PLXNC1: variants seen among roughly 807,000 people sequenced by gnomAD.
PLXNC1 encodes the protein plexin-C1.
A neutral mutation model predicts 178.2 loss-of-function variants in PLXNC1; 75 were observed. That is an observed-to-expected ratio of 0.42 (90% CI 0.35 to 0.51). PLXNC1 has a LOEUF of 0.51. Among genes scored for constraint, PLXNC1 ranks in the 20% least tolerant of loss-of-function variants. The pLI is 0.02. For missense variants in PLXNC1, 1,503 were observed against 1,984.4 expected, an observed-to-expected ratio of 0.76 and a Z score of 4.61; for synonymous variants, 790 against 779.9, an observed-to-expected ratio of 1.01 and a Z score of -0.22.
intron 21 of PLXNC1, chr12:94,272,131 T>A (rs1164280137): frequency 6.6e-6 from 1 of 152,170 alleles, no homozygotes; most frequent in African/African-American, 2.4e-5. Flanking sequence ...AATAGTCTTT[T>A]CTTTCTCATA....
At chr12:94,173,079 C>T (rs956439331) in intron 2 of PLXNC1, among the ~76,000 whole-genome samples, 5 of 152,124 alleles carry the variant, frequency 3.3e-5, no homozygotes, top group Admixed American at 2.0e-4. Flanking sequence ...CATCCTGCTT[C>T]TTTTCGGAAC....
chr12:94,195,901 C>T (rs1161627114), intron 4 of PLXNC1, among the ~76,000 whole-genome samples: 1 of 152,180 alleles, frequency 6.6e-6, no homozygotes, highest in Non-Finnish European at 1.5e-5. Flanking sequence ...TCCCCAACAC[C>T]CCAGAGTAAC....
chr12:94,279,799 G>A, intron 22 of PLXNC1, 150 bp downstream of exon 22: 1 of 748,860 alleles, frequency 1.3e-6, no homozygotes, highest in Non-Finnish European at 2.4e-6. Flanking sequence ...ATGTCTAGGG[G>A]CCAAGAGACT....
chr12:94,285,690 C>T (rs753558386), intron 23 of PLXNC1, among the ~76,000 whole-genome samples: 1 of 152,112 alleles, frequency 6.6e-6, no homozygotes, highest in African/African-American at 2.4e-5. Flanking sequence ...AGGAGGAGAT[C>T]GGAGTCAGAG....
At chr12:94,246,093 GA>G (rs1344325705) in intron 12 of PLXNC1, among the ~76,000 whole-genome samples, 2 of 152,238 alleles carry the variant, frequency 1.3e-5, no homozygotes, top group Non-Finnish European at 2.9e-5. Context: ...GAAACCACGA[GA>G]AAAGAAGAGA....
At chr12:94,192,020 C>T (rs1406216516) in intron 4 of PLXNC1, among the ~76,000 whole-genome samples, 1 of 152,080 alleles carries the variant, frequency 6.6e-6, no homozygotes, top group African/African-American at 2.4e-5. Context: ...CTGGCAATCC[C>T]GAACCAATGA....
chr12:94,156,201 G>A (rs1961160886), intron 1 of PLXNC1, among the ~76,000 whole-genome samples: 1 of 152,186 alleles, frequency 6.6e-6, no homozygotes, highest in African/African-American at 2.4e-5. Flanking sequence ...TAAATGTTAT[G>A]TCTGTGTTTA....
rs1964278966 is a variant in PLXNC1 at position 94,237,692 on chromosome 12, A to G, written c.2009A>G (p.Gln670Arg). The change falls in exon 10 of 31, where the codon CAG (glutamine) becomes CGG (arginine). Residue 670 changes from glutamine to arginine, a missense_variant. Gln to Arg is a conservative substitution (Grantham distance 43, BLOSUM62 1). This residue lies in a region of PLXNC1 where 615 missense variants were observed against 698.6 expected (regional missense o/e 0.88). Transcript: ENST00000258526. ...TTCTACATTAAGTCCATTGAGCCACAGAAAGTATCGACATTAGGGAAAAGC... is the reference window on the plus strand; with the variant it reads ...TTCTACATTAAGTCCATTGAGCCACGGAAAGTATCGACATTAGGGAAAAGC... ...QVFYIKSIEPQKVSTLGKSNV... is the reference protein window; with the variant it reads ...QVFYIKSIEPRKVSTLGKSNV... The G allele has an allele frequency of 1.9e-6, 3 of 1,613,816 alleles. No individual in the cohort carries two copies. In the Admixed American group the frequency reaches 5.0e-5, roughly 27 times the overall value.
chr12:94,287,598 G>C (rs1966864170), intron 23 of PLXNC1, among the ~76,000 whole-genome samples: 1 of 152,330 alleles, frequency 6.6e-6, no homozygotes, highest in South Asian at 2.1e-4. Flanking sequence ...AGGCAGAAAT[G>C]TTGTTTAACC....
intron 9 of PLXNC1, 97 bp downstream of exon 9, chr12:94,227,332 A>G: frequency 1.5e-6 from 1 of 675,386 alleles, no homozygotes; most frequent in Non-Finnish European, 2.6e-6. Flanking sequence ...AAAATTCTCT[A>G]TTTTACTTTC....
At chr12:94,204,103 G>A (rs1303379880) in intron 4 of PLXNC1, among the ~76,000 whole-genome samples, 2 of 152,126 alleles carry the variant, frequency 1.3e-5, no homozygotes, top group East Asian at 1.9e-4. Context: ...TAAATTTCTT[G>A]TCTTTATAAA....
In PLXNC1 at chr12:94,149,770, A is replaced by C; in HGVS notation, c.799A>C (p.Ile267Leu). The C allele has an allele frequency of 6.2e-7, 1 of 1,609,112 alleles. No individual in the cohort carries two copies. The highest frequency in any genetic ancestry group is 8.5e-7 in the Non-Finnish European group (1 of 1,179,248). The change falls in exon 1 of 31, where the codon ATC becomes CTC. Residue 267 changes from isoleucine (I) to leucine (L), a missense_variant. By Grantham distance (5) the Ile-to-Leu change is conservative (BLOSUM62 2). This residue lies in a region of PLXNC1 where 615 missense variants were observed against 698.6 expected (regional missense o/e 0.88). Coordinates refer to ENST00000258526, the MANE Select transcript of PLXNC1 (RefSeq NM_005761.3). The stretch of plus-strand genomic sequence containing the variant: ...CACCGGCTGGCCCAGCATGGCGCGC[A>C]TCGCGCAGAGCACCGAGGTGCTGTT... ...AATGWPSMAR[I>L]AQSTEVLFQG...
Position 94,294,496 on chromosome 12 carries a change from G to T in PLXNC1, c.3890G>T (p.Gly1297Val). ...TATCTTTGGTTTCAGATATCAAATG[G>T]ATCCACTATAAAAGTCTTTAAGAAG... The part of the protein sequence containing the change: ...NTIGHYEISN[G>V]STIKVFKKIA... The change falls in exon 24 of 31, where the codon GGA becomes GTA. Residue 1297 changes from glycine to valine, a missense_variant. Around this residue, in one of 4 missense-constraint regions of PLXNC1, gnomAD observed 639 missense variants for 979.7 expected, o/e 0.65. Coordinates refer to ENST00000258526, the MANE Select transcript of PLXNC1 (RefSeq NM_005761.3). 2 of 1,310,004 alleles carry T rather than the reference G, an allele frequency of 1.5e-6. No homozygotes were observed. The highest frequency in any genetic ancestry group is 2.2e-6 in the Non-Finnish European group (2 of 912,792). The allele number at this position is 1,310,004 out of a possible 1,614,324, so 81.1% of individuals were successfully genotyped here.
At chr12:94,241,320 A>T (rs1416887730) in intron 11 of PLXNC1, among the ~76,000 whole-genome samples, 1 of 152,214 alleles carries the variant, frequency 6.6e-6, no homozygotes, top group African/African-American at 2.4e-5. Context: ...TAATTGGAGT[A>T]TCCATCACCT....
intron 2 of PLXNC1, 50 bp from the exon 3 acceptor site, chr12:94,181,396 A>T: frequency 7.7e-7 from 1 of 1,306,348 alleles, no homozygotes; most frequent in African/African-American, 1.5e-5. Context: ...CAAAAAAAAA[A>T]AAAAGTATTA....
chr12:94,220,303 C>A, intron 6 of PLXNC1, 140 bp downstream of exon 6: 2 of 733,968 alleles, frequency 2.7e-6, no homozygotes, highest in Non-Finnish European at 4.5e-6. Context: ...CCCACTTTTG[C>A]TCTGGGTCCT....
chr12:94,305,104 C>A (rs3803071), intron 30 of PLXNC1, 77 bp from the exon 31 acceptor site: 2 of 806,222 alleles, frequency 2.5e-6, no homozygotes, highest in Non-Finnish European at 2.1e-6. Flanking sequence ...TTACCACTCA[C>A]AGCATCAGGT....
intron 27 of PLXNC1, among the ~76,000 whole-genome samples, chr12:94,299,884 C>T (rs1411632906): frequency 1.3e-5 from 2 of 152,086 alleles, no homozygotes; most frequent in South Asian, 2.1e-4. Context: ...ATCTCCAGTC[C>T]CTGCCACTCC....
chr12:94,278,290 ACTG>A (rs1231404076), intron 21 of PLXNC1, among the ~76,000 whole-genome samples: 1 of 152,248 alleles, frequency 6.6e-6, no homozygotes, highest in African/African-American at 2.4e-5. Flanking sequence ...TAGAATCTAA[ACTG>A]CTATGTTATG....
Sources: allele counts gnomAD v4.1 joint callset (sites outside exome capture counted in the v4.1 genomes callset), GRCh38; gene constraint gnomAD v4.1.1; regional missense constraint gnomAD v4.1.1; transcripts MANE v1.5; gene names NCBI Gene and HGNC (gene_info 2026-07-23, HGNC 2026-07-21).